Variants in UBE2E2 observed in about 807,000 individuals in gnomAD.
UBE2E2 encodes ubiquitin-conjugating enzyme E2 E2.
UBE2E2 carries 6 observed loss-of-function variants against 24.7 expected under a neutral mutation model. That is an observed-to-expected ratio of 0.24 (90% CI 0.13 to 0.48). UBE2E2 has a LOEUF of 0.48. Among genes scored for constraint, UBE2E2 ranks in the 20% least tolerant of loss-of-function variants. The pLI is 0.99. For missense variants in UBE2E2, 169 were observed against 245.0 expected, an observed-to-expected ratio of 0.69 and a Z score of 2.07; for synonymous variants, 104 against 83.6, an observed-to-expected ratio of 1.24 and a Z score of -1.33.
In UBE2E2 at chr3:23,214,809, G is replaced by GTT. The variant is rs376131306; in HGVS notation, c.177-2447_177-2446dup. On this transcript the variant is annotated intron_variant, in intron 2 of 5. Transcript: ENST00000396703. ...GATTTTTTTTTAATGGAAAGTAACA[G>GTT]TTTTTTTATCCACCCCCTGCCCCTA... Among the ~76,000 whole-genome samples the GTT allele has an allele frequency of 2.3e-3, 352 of 151,846 alleles. 4 individuals are homozygous for GTT. The highest frequency in any genetic ancestry group is 8.0e-3 in the African/African-American group (332 of 41,458).
intron 3 of UBE2E2, among the ~76,000 whole-genome samples, chr3:23,289,612 G>C (rs1289970458): frequency 6.6e-6 from 1 of 152,196 alleles, no homozygotes; most frequent in South Asian, 2.1e-4. Flanking sequence ...CATAAGTAGA[G>C]TGCATTTCTA....
chr3:23,358,293 AAC>A (rs72255353), intron 3 of UBE2E2, among the ~76,000 whole-genome samples: 18,583 of 152,252 alleles, frequency 0.12, 1,222 homozygotes, highest in Middle Eastern at 0.19. Context: ...CAACAGAGCA[AAC>A]ACAAACATAC....
intron 4 of UBE2E2, among the ~76,000 whole-genome samples, chr3:23,505,883 G>A (rs1159339589): frequency 6.6e-6 from 1 of 152,180 alleles, no homozygotes; most frequent in African/African-American, 2.4e-5. Context: ...TAAATTGACA[G>A]GTCATGGCTA....
chr3:23,206,541 G>A (rs1212365639), intron 1 of UBE2E2, among the ~76,000 whole-genome samples: 1 of 152,132 alleles, frequency 6.6e-6, no homozygotes, highest in Non-Finnish European at 1.5e-5. Context: ...AGCTGTTGGG[G>A]CAGATCTGTT....
intron 5 of UBE2E2, among the ~76,000 whole-genome samples, chr3:23,567,961 A>G (rs1190844887): frequency 6.6e-6 from 1 of 152,090 alleles, no homozygotes; most frequent in Non-Finnish European, 1.5e-5. Flanking sequence ...TTAGCAGAAG[A>G]TTCATATAAC....
At chr3:23,343,316 G>T (rs36063633) in intron 3 of UBE2E2, among the ~76,000 whole-genome samples, 11,104 of 151,990 alleles carry the variant, frequency 0.073, 519 homozygotes, top group Non-Finnish European at 0.088. Context: ...TGGCTCACGC[G>T]TGTAATCCCA....
At chr3:23,535,022 T>A (rs1277206209) in intron 5 of UBE2E2, among the ~76,000 whole-genome samples, 2 of 152,220 alleles carry the variant, frequency 1.3e-5, no homozygotes, top group Non-Finnish European at 2.9e-5. Context: ...GAATTTTTGG[T>A]CCATTCCAAC....
At chr3:23,397,472 T>C (rs992495746) in intron 3 of UBE2E2, among the ~76,000 whole-genome samples, 6 of 152,216 alleles carry the variant, frequency 3.9e-5, no homozygotes, top group African/African-American at 1.4e-4. Context: ...ACCCAGGTTG[T>C]AAAATAGGAC....
chr3:23,203,389 T>TC lies in UBE2E2; in HGVS notation c.-79dup, dbSNP rs1321822853. On this transcript the variant is annotated 5_prime_UTR_variant, in exon 1 of 6. Transcript: ENST00000396703. Reference sequence around the variant, plus strand: ...GTCCCTGGGGCCTCCCCAGTCTCCCTCCCCCTCGCGCCTGGGCAGCTCTCT... The same window carrying TC: ...GTCCCTGGGGCCTCCCCAGTCTCCCTCCCCCCTCGCGCCTGGGCAGCTCTCT... 2.0e-6 allele frequency: 2 copies of TC among 981,756 alleles called. No individual in the cohort carries two copies. The highest frequency in any genetic ancestry group is 1.2e-4 in the East Asian group (1 of 8,452). The allele number at this position is 981,756 out of a possible 1,614,324, so 60.8% of individuals were successfully genotyped here.
intron 3 of UBE2E2, among the ~76,000 whole-genome samples, chr3:23,368,082 T>C (rs181090607): frequency 8.5e-5 from 13 of 152,338 alleles, no homozygotes; most frequent in African/African-American, 3.1e-4. Flanking sequence ...CATTTTGTGA[T>C]GGCATTTGAT....
intron 3 of UBE2E2, among the ~76,000 whole-genome samples, chr3:23,382,480 CCTTA>C: frequency 6.6e-6 from 1 of 152,180 alleles, no homozygotes; most frequent in Non-Finnish European, 1.5e-5. Flanking sequence ...CCGTGCCCGG[CCTTA>C]CTTTAAAATC....
At chr3:23,303,288 T>C (rs1025553465) in intron 3 of UBE2E2, among the ~76,000 whole-genome samples, 3 of 152,124 alleles carry the variant, frequency 2.0e-5, no homozygotes, top group Middle Eastern at 3.2e-3. Context: ...ATTATTTCAT[T>C]ATATATTACA....
intron 3 of UBE2E2, among the ~76,000 whole-genome samples, chr3:23,315,426 T>A (rs1229320739): frequency 6.6e-6 from 1 of 152,234 alleles, no homozygotes. Flanking sequence ...TTCTTCAGTA[T>A]GTCAGTTGCA....
intron 3 of UBE2E2, among the ~76,000 whole-genome samples, chr3:23,259,785 AG>A (rs1181978612): frequency 1.3e-5 from 2 of 152,212 alleles, no homozygotes; most frequent in Non-Finnish European, 2.9e-5. Context: ...TTAAGGTAAG[AG>A]GACCCTCGAG....
At chr3:23,324,995 C>T (rs923353936) in intron 3 of UBE2E2, among the ~76,000 whole-genome samples, 4 of 152,112 alleles carry the variant, frequency 2.6e-5, no homozygotes, top group Non-Finnish European at 5.9e-5. Context: ...ATTTTAACTA[C>T]ACCAATTGCT....
intron 3 of UBE2E2, among the ~76,000 whole-genome samples, chr3:23,325,820 T>C (rs1315764678): frequency 1.3e-5 from 2 of 152,232 alleles, no homozygotes; most frequent in Admixed American, 1.3e-4. Flanking sequence ...GGAGCCCTTA[T>C]ATCCTAACTT....
chr3:23,507,507 C>T (rs891410945), intron 4 of UBE2E2, among the ~76,000 whole-genome samples: 10 of 152,162 alleles, frequency 6.6e-5, no homozygotes, highest in African/African-American at 2.4e-4. Flanking sequence ...TAGTTAAATG[C>T]ATGTAACTGT....
chr3:23,358,930 C>G (rs1396640071), intron 3 of UBE2E2, among the ~76,000 whole-genome samples: 1 of 152,114 alleles, frequency 6.6e-6, no homozygotes, highest in East Asian at 1.9e-4. Context: ...GTAAATTGAC[C>G]AAGGGTACCT....
chr3:23,497,533 CTATGTT>C (rs913299003), intron 3 of UBE2E2, among the ~76,000 whole-genome samples: 14 of 152,216 alleles, frequency 9.2e-5, no homozygotes, highest in Middle Eastern at 3.4e-3. Flanking sequence ...ATTTAATACT[CTATGTT>C]TGTGTTTGCT....
Sources: gnomAD v4.1 joint callset for allele counts (sites outside exome capture counted in the v4.1 genomes callset) on GRCh38, gnomAD v4.1.1 for gene constraint, MANE v1.5 for transcripts, NCBI Gene and HGNC (gene_info 2026-07-23, HGNC 2026-07-21) for gene names.